Variants in FHIT observed in about 807,000 individuals in gnomAD.
FHIT encodes bis(5'-adenosyl)-triphosphatase.
FHIT carries 19 observed loss-of-function variants against 17.9 expected under a neutral mutation model. The ratio of observed to expected loss-of-function variants is 1.06; its 90% CI spans 0.74 to 1.56. The LOEUF (loss-of-function observed/expected upper bound fraction) is 1.56, where lower values mean the gene tolerates loss of function less well. Ranked by LOEUF, FHIT falls within the 40% of genes most tolerant of loss-of-function variation. The pLI is 0.00. For missense variants in FHIT, 248 were observed against 189.2 expected (o/e 1.31, Z -1.82); for synonymous variants, 81 against 69.7 (o/e 1.16, Z -0.81).
intron 5 of FHIT, among the ~76,000 whole-genome samples, chr3:60,048,427 C>A (rs1301202406): frequency 6.6e-6 from 1 of 152,274 alleles, no homozygotes; most frequent in East Asian, 1.9e-4. Context: ...CCACCTGCCT[C>A]GGCCTCCCAG....
At chr3:60,559,391 G>C (rs187918771) in intron 4 of FHIT, among the ~76,000 whole-genome samples, 1 of 152,280 alleles carries the variant, frequency 6.6e-6, no homozygotes, top group East Asian at 1.9e-4. Context: ...GCATGCATTT[G>C]CTGTGGCACG....
rs1470182180 is a variant in FHIT at position 60,131,043 on chromosome 3, A to G, written c.104-116891T>C. Among the ~76,000 whole-genome samples, 7 of 91,860 alleles carry G rather than the reference A, an allele frequency of 7.6e-5. 1 individual carries two copies. The Admixed American group carries it at 7.8e-4, about 10-fold the overall frequency. 60.3% of individuals were successfully genotyped at this position (91,860 alleles called of 152,430 possible). On this transcript the variant is annotated intron_variant, in intron 5 of 9. Transcript: ENST00000492590. ...CACATATATACATATGTGTATATAT[A>G]CACATATATACATACATACACATGT...
intron 4 of FHIT, among the ~76,000 whole-genome samples, chr3:60,634,866 T>C (rs1470054280): frequency 2.0e-5 from 3 of 152,250 alleles, no homozygotes; most frequent in African/African-American, 4.8e-5. Context: ...ATGTGGAAAA[T>C]ACCTTATTTT....
chr3:59,836,068 T>C (rs192606840), intron 8 of FHIT, among the ~76,000 whole-genome samples: 14 of 152,260 alleles, frequency 9.2e-5, no homozygotes, highest in Non-Finnish European at 1.6e-4. Flanking sequence ...TGAATGTTAC[T>C]AAATGCAGCA....
intron 5 of FHIT, among the ~76,000 whole-genome samples, chr3:60,026,650 CAAT>C (rs1257327730): frequency 6.6e-6 from 1 of 151,848 alleles, no homozygotes; most frequent in African/African-American, 2.4e-5. Flanking sequence ...TGGTTGCTAA[CAAT>C]AAAAAAAATC....
At chr3:60,133,125 T>C (rs1004261537) in intron 5 of FHIT, among the ~76,000 whole-genome samples, 5 of 151,966 alleles carry the variant, frequency 3.3e-5, no homozygotes, top group African/African-American at 1.2e-4. Context: ...ATGATTGAGA[T>C]GGAACATCTT....
chr3:60,458,448 G>C (rs985941524), intron 5 of FHIT, among the ~76,000 whole-genome samples: 1 of 140,982 alleles, frequency 7.1e-6, no homozygotes, highest in Non-Finnish European at 1.5e-5. Context: ...TGGGGTGGGG[G>C]GAGGGGGGAG....
intron 5 of FHIT, among the ~76,000 whole-genome samples, chr3:60,312,041 T>C (rs185370544): frequency 6.6e-6 from 1 of 152,186 alleles, no homozygotes; most frequent in Non-Finnish European, 1.5e-5. Flanking sequence ...ATACAATTTT[T>C]AAAAAAATCT....
intron 9 of FHIT, chr3:59,751,096 G>T (rs1272030773): frequency 5.8e-6 from 1 of 171,602 alleles, no homozygotes; most frequent in Non-Finnish European, 1.2e-5. Context: ...TTTATTAACA[G>T]GTTTGCCAGA....
chr3:59,850,286 T>C (rs185194249), intron 8 of FHIT, among the ~76,000 whole-genome samples: 43 of 152,340 alleles, frequency 2.8e-4, no homozygotes, highest in Non-Finnish European at 5.9e-4. Flanking sequence ...TAGCAACTTT[T>C]TGAACAGACA....
chr3:60,124,003 TATATATAGAGAGAGAGAG>T (rs1705400831), intron 5 of FHIT, among the ~76,000 whole-genome samples: 4 of 24,582 alleles, frequency 1.6e-4, no homozygotes, highest in African/African-American at 5.2e-4. Context: ...TATATATATA[TATATATAGAGAGAGAGAG>T]AGAGAGAGAG....
At chr3:60,924,260 C>T (rs868980217) in intron 3 of FHIT, among the ~76,000 whole-genome samples, 13 of 152,172 alleles carry the variant, frequency 8.5e-5, no homozygotes, top group Non-Finnish European at 1.8e-4. Context: ...AAAATGCCTC[C>T]TCAAGTGGGT....
At chr3:61,142,917 T>C (rs1220757108) in intron 2 of FHIT, among the ~76,000 whole-genome samples, 1 of 152,194 alleles carries the variant, frequency 6.6e-6, no homozygotes, top group African/African-American at 2.4e-5. Flanking sequence ...TAAAGCTTTT[T>C]TTCACTATCT....
intron 5 of FHIT, among the ~76,000 whole-genome samples, chr3:60,028,963 G>A (rs567365240): frequency 6.6e-6 from 1 of 152,288 alleles, no homozygotes; most frequent in South Asian, 2.1e-4. Flanking sequence ...CCAAAGCACA[G>A]AAAAGATGCC....
chr3:59,909,247 T>C (rs931755531), intron 8 of FHIT, among the ~76,000 whole-genome samples: 1 of 152,190 alleles, frequency 6.6e-6, no homozygotes, highest in Admixed American at 6.5e-5. Context: ...CTGGCCAGGC[T>C]GATCTGGAAC....
intron 2 of FHIT, among the ~76,000 whole-genome samples, chr3:61,154,899 C>T (rs1209718779): frequency 2.6e-5 from 4 of 152,188 alleles, no homozygotes; most frequent in Non-Finnish European, 4.4e-5. Context: ...AATAGCTTAT[C>T]TATTCCCTTT....
At chr3:60,952,977 C>A (rs1186550611) in intron 3 of FHIT, among the ~76,000 whole-genome samples, 1 of 152,116 alleles carries the variant, frequency 6.6e-6, no homozygotes, top group Non-Finnish European at 1.5e-5. Context: ...GTGCTTTTCT[C>A]CCATTAATCT....
At chr3:60,449,776 G>A (rs79326839) in intron 5 of FHIT, among the ~76,000 whole-genome samples, 10,412 of 152,016 alleles carry the variant, frequency 0.068, 819 homozygotes, top group East Asian at 0.38. Flanking sequence ...AGGCCGAGGT[G>A]GGTGCATCAC....
chr3:60,778,506 C>G (rs1265905868), intron 4 of FHIT, among the ~76,000 whole-genome samples: 2 of 152,128 alleles, frequency 1.3e-5, no homozygotes, highest in Non-Finnish European at 2.9e-5. Context: ...CTGAAGCAAC[C>G]TTTTTGACTT....
Sources: gnomAD v4.1 joint callset for allele counts (sites outside exome capture counted in the v4.1 genomes callset) on GRCh38, gnomAD v4.1.1 for gene constraint, MANE v1.5 for transcripts, NCBI Gene and HGNC (gene_info 2026-07-23, HGNC 2026-07-21) for gene names.